Variants in CYP26B1 observed in about 807,000 individuals in gnomAD.
CYP26B1 encodes the protein cytochrome P450 family 26 subfamily B member 1.
A neutral mutation model predicts 39.1 loss-of-function variants in CYP26B1; 8 were observed. The observed-to-expected ratio is 0.20, with a 90% CI of 0.12 to 0.37. The LOEUF is 0.37. CYP26B1 is among the 10% of genes least tolerant of loss of function. CYP26B1 has a pLI of 1.00. For synonymous variants in CYP26B1, 321 were observed against 314.3 expected, an observed-to-expected ratio of 1.02 and a Z score of -0.23; for missense variants, 615 against 707.0, an observed-to-expected ratio of 0.87 and a Z score of 1.48.
chr2:72,144,286 C>T (rs1183960760), intron 1 of CYP26B1, 73 bp from the exon 2 acceptor site: 1 of 1,546,940 alleles, frequency 6.5e-7, no homozygotes, highest in African/African-American at 1.4e-5. Flanking sequence ...GGCGGCGGAC[C>T]CCAACCCGGG....
intron 2 of CYP26B1, 131 bp from the exon 3 acceptor site, chr2:72,135,550 C>A (rs1676747108): frequency 4.5e-6 from 6 of 1,343,338 alleles, no homozygotes; most frequent in Middle Eastern, 2.5e-4. Flanking sequence ...GCCTTGGGAG[C>A]TGGGCAGGCC....
intron 5 of CYP26B1, 22 bp downstream of exon 5, chr2:72,133,001 G>C: frequency 1.2e-6 from 2 of 1,612,994 alleles, no homozygotes; most frequent in East Asian, 2.2e-5. Context: ...CATCGCCCCC[G>C]GTGCCACGGG....
At chr2:72,140,370 G>A (rs1345788365) in intron 2 of CYP26B1, among the ~76,000 whole-genome samples, 1 of 152,214 alleles carries the variant, frequency 6.6e-6, no homozygotes, top group Admixed American at 6.5e-5. Context: ...AGCAGCCCCT[G>A]TGCCCACCCG....
chr2:72,144,165 T>G lies in CYP26B1; in HGVS notation c.253A>C (p.Lys85Gln). ...AGCGGCCGCCCCAACAAATGCGTCTTGAACACGTTGCCATACTTCTCCCTC... is the reference window on the plus strand; with the variant it reads ...AGCGGCCGCCCCAACAAATGCGTCTGGAACACGTTGCCATACTTCTCCCTC... ...SRREKYGNVF[K>Q]THLLGRPLIR... The change falls in exon 2 of 6, where the codon AAG becomes CAG. Residue 85 changes from lysine (K) to glutamine (Q), a missense_variant. Transcript: ENST00000001146. 1 of 1,609,216 alleles carries G rather than the reference T, an allele frequency of 6.2e-7. No homozygotes were observed. Among genetic ancestry groups the G allele is most frequent in the Non-Finnish European group, 8.5e-7 (1 of 1,176,024 alleles).
rs1030202350 is a variant in CYP26B1, at chr2:72,129,748, G to C, written c.*2479C>G. 4 of 152,494 alleles carry C rather than the reference G, an allele frequency of 2.6e-5. No individual in the cohort carries two copies. The highest frequency in any genetic ancestry group is 7.2e-5 in the African/African-American group (3 of 41,422). The allele number at this position is 152,494 out of a possible 1,614,324, so 9.4% of individuals were successfully genotyped here. A position where few individuals can be genotyped will look rare whatever the true frequency, so the allele number is the denominator to read the frequency against. ...GCAAGCCCGTGGCAGGAAGAGTTTT[G>C]TGGGGTTTTGTCTTTTTAAGGTCAA... On this transcript the variant is annotated 3_prime_UTR_variant, in exon 6 of 6. Transcript: ENST00000001146.
intron 1 of CYP26B1, among the ~76,000 whole-genome samples, chr2:72,146,010 G>A (rs1445698629): frequency 6.6e-6 from 1 of 152,162 alleles, no homozygotes; most frequent in African/African-American, 2.4e-5. Flanking sequence ...TCCTGTACAC[G>A]TACCCCCTAT....
chr2:72,144,409 A>C, intron 1 of CYP26B1, 196 bp from the exon 2 acceptor site: 1 of 1,386,974 alleles, frequency 7.2e-7, no homozygotes. Flanking sequence ...AGGATAATAA[A>C]TAATGCAAGG....
chr2:72,137,908 C>T (rs1344247197), intron 2 of CYP26B1, among the ~76,000 whole-genome samples: 4 of 152,198 alleles, frequency 2.6e-5, no homozygotes, highest in Admixed American at 2.6e-4. Context: ...AAAGTGAAGG[C>T]AGGACCAGGA....
chr2:72,131,476 GCA>G lies in CYP26B1; in HGVS notation c.*749_*750del, dbSNP rs371219985. The G allele has an allele frequency of 6.5e-6, 1 of 152,716 alleles. No homozygotes were observed. The highest frequency in any genetic ancestry group is 2.4e-5 in the African/African-American group (1 of 41,572). 9.5% of individuals were successfully genotyped at this position (152,716 alleles called of 1,614,324 possible). ...CAGTGAATAAATATGGGGGCGGGCA[GCA>G]CATGAGCCGCGGGCCTTAGGCGGCT... On this transcript the variant is annotated 3_prime_UTR_variant, in exon 6 of 6. Transcript: ENST00000001146.
rs915780845 is a variant in CYP26B1, at chr2:72,132,951, G to C, written c.1146+72C>G. 2.5e-6 allele frequency: 4 copies of C among 1,603,296 alleles called. No homozygotes were observed. In the African/African-American group the frequency reaches 5.3e-5, roughly 21 times the overall value. On this transcript the variant is annotated intron_variant, in intron 5 of 5. Transcript: ENST00000001146. The stretch of plus-strand genomic sequence containing the variant: ...GCCTGAAGTCCCTGAAATGGAGGCT[G>C]GTGCCCCGCCTTGCCCCTATCCCGG...
At chr2:72,139,429 A>G (rs2104073617) in intron 2 of CYP26B1, among the ~76,000 whole-genome samples, 1 of 152,282 alleles carries the variant, frequency 6.6e-6, no homozygotes, top group Non-Finnish European at 1.5e-5. Flanking sequence ...CAGAACTGGA[A>G]ATGTCCAATC....
intron 4 of CYP26B1, among the ~76,000 whole-genome samples, chr2:72,134,012 G>C (rs140598229): frequency 1.7e-3 from 257 of 152,368 alleles, no homozygotes; most frequent in Middle Eastern, 6.8e-3. Flanking sequence ...AGAGGGCAAT[G>C]AAGGGACCTG....
rs1053007083 is a variant in CYP26B1 at position 72,130,402 on chromosome 2, C to T, written c.*1825G>A. 9.2e-5 allele frequency: 14 copies of T among 152,212 alleles called. No homozygotes were observed. Among genetic ancestry groups the T allele is most frequent in the African/African-American group, 3.1e-4 (13 of 41,508 alleles). The allele number at this position is 152,212 out of a possible 1,614,324, so 9.4% of individuals were successfully genotyped here. A position where few individuals can be genotyped will look rare whatever the true frequency, so the allele number is the denominator to read the frequency against. On this transcript the variant is annotated 3_prime_UTR_variant, in exon 6 of 6. Transcript: ENST00000001146. ...TAGGAAATAAATGAAACATCTGAGA[C>T]TCAGGGATTGGAGAGCAGTCTGTGT... is the stretch of plus-strand genomic sequence containing the variant.
chr2:72,135,314 T>C lies in CYP26B1; in HGVS notation c.535A>G (p.Ile179Val). ...LRAWSSHPEA[I>V]NVYQEAQKLT... ...TTCTGCGCCTCCTGGTACACGTTGA[T>C]GGCCTCGGGGTGGCTGCTCCAGGCG... The change falls in exon 3 of 6, where the codon ATC (isoleucine) becomes GTC (valine). Residue 179 changes from isoleucine (I) to valine (V), a missense_variant. Ile to Val is a conservative substitution (Grantham distance 29, BLOSUM62 3). Transcript: ENST00000001146. The C allele has an allele frequency of 6.2e-7, 1 of 1,614,092 alleles. No homozygotes were observed. The highest frequency in any genetic ancestry group is 8.5e-7 in the Non-Finnish European group (1 of 1,180,032).
At chr2:72,136,055 C>T (rs985164063) in intron 2 of CYP26B1, among the ~76,000 whole-genome samples, 3 of 146,650 alleles carry the variant, frequency 2.0e-5, no homozygotes, top group East Asian at 2.1e-4. Flanking sequence ...TCCTTGTCCT[C>T]CGTCCTCCCG....
intron 1 of CYP26B1, chr2:72,144,533 C>G: frequency 8.9e-7 from 1 of 1,126,826 alleles, no homozygotes; most frequent in Middle Eastern, 3.7e-4. Flanking sequence ...CCCACCCCCA[C>G]CCCCACACCC....
chr2:72,131,469 G>C lies in CYP26B1; in HGVS notation c.*758C>G, dbSNP rs1180608171. ...TCTCTATCAGTGAATAAATATGGGG[G>C]CGGGCAGCACATGAGCCGCGGGCCT... On this transcript the variant is annotated 3_prime_UTR_variant, in exon 6 of 6. Coordinates refer to ENST00000001146, the MANE Select transcript of CYP26B1 (RefSeq NM_019885.4). 1 of 152,534 alleles carries C rather than the reference G, an allele frequency of 6.6e-6. No individual in the cohort carries two copies. Among genetic ancestry groups the C allele is most frequent in the African/African-American group, 2.4e-5 (1 of 41,434 alleles). The allele number at this position is 152,534 out of a possible 1,614,324, so 9.4% of individuals were successfully genotyped here.
In CYP26B1 at chr2:72,147,052, CCTTCTTCCTCTT is replaced by C. The variant is rs1677140340; in HGVS notation, c.204+567_204+578del. On this transcript the variant is annotated intron_variant, in intron 1 of 5. Transcript: ENST00000001146. This position sits in a 1 kb window ranked among gnomAD's most constrained non-coding sequence, Gnocchi z 6.1. ...TGGATTCTCATTTTTCCTTGGGTTA[CCTTCTTCCTCTT>C]CCACCACAAAACAGACACACTCGCG... 6.6e-6 allele frequency among the ~76,000 whole-genome samples: 1 copy of C among 152,232 alleles called. No homozygotes were observed. Among genetic ancestry groups the C allele is most frequent in the Non-Finnish European group, 1.5e-5 (1 of 68,046 alleles).
chr2:72,133,634 G>A (rs1676666654), intron 4 of CYP26B1, among the ~76,000 whole-genome samples: 1 of 152,252 alleles, frequency 6.6e-6, no homozygotes, highest in African/African-American at 2.4e-5. Context: ...TATGCAGTGG[G>A]CTCACAGGAG....
Sources: allele counts gnomAD v4.1 joint callset (sites outside exome capture counted in the v4.1 genomes callset), GRCh38; gene constraint gnomAD v4.1.1; non-coding constraint Gnocchi (gnomAD v3.1); transcripts MANE v1.5; gene names NCBI Gene and HGNC (gene_info 2026-07-23, HGNC 2026-07-21).